The following NEGR1 variants were observed in gnomAD, a reference collection of about 807,000 sequenced individuals.
NEGR1 encodes the protein neuronal growth regulator 1, also known as IgLON family member 4.
Under a neutral mutation model 40.9 loss-of-function variants are expected in NEGR1, and 10 were observed. That is an observed-to-expected ratio of 0.24 (90% confidence interval 0.15 to 0.42). The LOEUF is 0.42. NEGR1 is among the 10% of genes least tolerant of loss of function. NEGR1 has a pLI of 1.00. For missense variants in NEGR1, 352 were observed against 438.9 expected (o/e 0.80, Z 1.77); for synonymous variants, 185 against 166.8 (o/e 1.11, Z -0.84).
chr1:72,236,667 T>C (rs1654558803), intron 1 of NEGR1, among the ~76,000 whole-genome samples: 1 of 151,988 alleles, frequency 6.6e-6, no homozygotes, highest in Admixed American at 6.6e-5. Context: ...GAGGAATAAC[T>C]GGAATAAAGG....
chr1:71,493,910 T>C (rs1180717018), intron 6 of NEGR1, among the ~76,000 whole-genome samples: 2 of 152,222 alleles, frequency 1.3e-5, no homozygotes, highest in Non-Finnish European at 2.9e-5. Flanking sequence ...ATGGGATCCT[T>C]TCTTTAGCAT....
intron 4 of NEGR1, among the ~76,000 whole-genome samples, chr1:71,620,173 T>C (rs1284482018): frequency 6.6e-6 from 1 of 151,364 alleles, no homozygotes; most frequent in Non-Finnish European, 1.5e-5. Context: ...AGAAGAAGAG[T>C]AGTAATGTGT....
intron 1 of NEGR1, among the ~76,000 whole-genome samples, chr1:72,210,893 C>T (rs1427068087): frequency 6.6e-6 from 1 of 151,838 alleles, no homozygotes; most frequent in Admixed American, 6.6e-5. Context: ...ACCATTTAGA[C>T]ATCACCAGTT....
intron 6 of NEGR1, among the ~76,000 whole-genome samples, chr1:71,543,156 A>T (rs982053050): frequency 7.9e-5 from 12 of 151,754 alleles, no homozygotes; most frequent in African/African-American, 2.9e-4. Flanking sequence ...GTACTCAGTA[A>T]ATATTTACTA....
Position 72,039,581 on chromosome 1 carries a change from T to C in NEGR1, c.177-104270A>G, listed in dbSNP as rs548509989. On this transcript the variant is annotated intron_variant, in intron 1 of 6. Transcript: ENST00000357731. ...GAGAGAAAAAAACAACAAAATTATT[T>C]GTATTTCCCGATACCAACTCAATAT... Among the ~76,000 whole-genome samples the C allele has an allele frequency of 5.3e-5, 8 of 152,102 alleles. No individual in the cohort carries two copies. The East Asian group carries it at 1.5e-3, about 29-fold the overall frequency.
chr1:71,673,315 G>A (rs1652499904), intron 4 of NEGR1, among the ~76,000 whole-genome samples: 1 of 152,076 alleles, frequency 6.6e-6, no homozygotes, highest in Admixed American at 6.6e-5. Flanking sequence ...AAGTTAACCA[G>A]GCATTGAAGT....
At chr1:71,866,741 G>A (rs1660124773) in intron 2 of NEGR1, among the ~76,000 whole-genome samples, 1 of 152,096 alleles carries the variant, frequency 6.6e-6, no homozygotes, top group Admixed American at 6.6e-5. Context: ...TATTTATAAG[G>A]GAAAACCTAG....
intron 1 of NEGR1, among the ~76,000 whole-genome samples, chr1:72,226,850 T>G (rs1241368728): frequency 3.3e-5 from 5 of 152,072 alleles, no homozygotes; most frequent in South Asian, 2.1e-4. Context: ...ACACTTCTAT[T>G]CTGCAACTTT....
chr1:72,052,904 C>G (rs1569883636), intron 1 of NEGR1, among the ~76,000 whole-genome samples: 1 of 151,524 alleles, frequency 6.6e-6, no homozygotes, highest in East Asian at 1.9e-4. Flanking sequence ...GATTTGGTGA[C>G]TGTACTAATT....
chr1:72,236,354 C>A (rs1473920717), intron 1 of NEGR1, among the ~76,000 whole-genome samples: 2 of 151,826 alleles, frequency 1.3e-5, no homozygotes, highest in African/African-American at 4.8e-5. Flanking sequence ...ATAGGTGCAG[C>A]AAACCACATG....
At chr1:72,210,036 T>C (rs932626765) in intron 1 of NEGR1, among the ~76,000 whole-genome samples, 4 of 151,946 alleles carry the variant, frequency 2.6e-5, no homozygotes, top group Admixed American at 1.3e-4. Flanking sequence ...AGGAATAAAC[T>C]AGGCTTTGGA....
intron 1 of NEGR1, among the ~76,000 whole-genome samples, chr1:72,156,515 G>A (rs374886191): frequency 2.0e-5 from 3 of 152,134 alleles, no homozygotes; most frequent in South Asian, 4.1e-4. Flanking sequence ...ATTGACTTTT[G>A]TTGACAGAAT....
At chr1:72,213,682 T>C (rs1171487984) in intron 1 of NEGR1, among the ~76,000 whole-genome samples, 1 of 151,928 alleles carries the variant, frequency 6.6e-6, no homozygotes, top group African/African-American at 2.4e-5. Context: ...CCAGGTAAAG[T>C]TAAATCCCTG....
At chr1:72,198,000 G>C (rs1481167911) in intron 1 of NEGR1, among the ~76,000 whole-genome samples, 1 of 151,974 alleles carries the variant, frequency 6.6e-6, no homozygotes, top group African/African-American at 2.4e-5. Context: ...GAGAGAAAAA[G>C]GCTTTTGTCT....
At chr1:72,163,364 G>A (rs182670628) in intron 1 of NEGR1, among the ~76,000 whole-genome samples, 2 of 152,168 alleles carry the variant, frequency 1.3e-5, no homozygotes, top group South Asian at 2.1e-4. Context: ...ACTACTGTAT[G>A]CATTTAAAGT....
At chr1:71,645,315 C>G (rs1431923101) in intron 4 of NEGR1, among the ~76,000 whole-genome samples, 1 of 151,950 alleles carries the variant, frequency 6.6e-6, no homozygotes, top group Non-Finnish European at 1.5e-5. Context: ...GTAAATAAAA[C>G]TTTATGATAC....
chr1:72,187,875 T>A (rs746622343), intron 1 of NEGR1, among the ~76,000 whole-genome samples: 1 of 151,412 alleles, frequency 6.6e-6, no homozygotes, highest in Non-Finnish European at 1.5e-5. Flanking sequence ...ACTATTCAAA[T>A]TCAGGCATGT....
intron 6 of NEGR1, among the ~76,000 whole-genome samples, chr1:71,523,392 C>T (rs1039513645): frequency 2.6e-5 from 4 of 151,862 alleles, no homozygotes; most frequent in South Asian, 2.1e-4. Context: ...AAATTCCTTA[C>T]CTGTTCATAT....
chr1:71,998,818 T>C (rs1215775856), intron 1 of NEGR1, among the ~76,000 whole-genome samples: 1 of 151,616 alleles, frequency 6.6e-6, no homozygotes, highest in Non-Finnish European at 1.5e-5. Context: ...TGTTGATATA[T>C]AAAATGAATA....
Sources: allele counts gnomAD v4.1 joint callset (sites outside exome capture counted in the v4.1 genomes callset), GRCh38; gene constraint gnomAD v4.1.1; transcripts MANE v1.5; gene names NCBI Gene and HGNC (gene_info 2026-07-23, HGNC 2026-07-21).